MLIP: variants seen among roughly 807,000 people sequenced by gnomAD.
MLIP encodes the protein muscular LMNA interacting protein.
A neutral mutation model predicts 84.8 loss-of-function variants in MLIP; 79 were observed. The ratio of observed to expected loss-of-function variants is 0.93; its 90% CI spans 0.78 to 1.12. The LOEUF is 1.12. Ranked by LOEUF, MLIP falls within the 50% of genes most tolerant of loss-of-function variation. The pLI, the probability that MLIP is intolerant of heterozygous loss-of-function variation, is 0.00. For missense variants in MLIP, 1,257 were observed against 1,160.6 expected (o/e 1.08, Z -1.21); for synonymous variants, 504 against 463.0 (o/e 1.09, Z -1.14).
chr6:54,145,218 T>A (rs1444856258), intron 4 of MLIP, among the ~76,000 whole-genome samples: 1 of 152,184 alleles, frequency 6.6e-6, no homozygotes, highest in Non-Finnish European at 1.5e-5. Flanking sequence ...TTAGAATGAT[T>A]AGTAATTTTA....
chr6:54,204,283 A>G (rs1052061255), intron 11 of MLIP, among the ~76,000 whole-genome samples: 3 of 152,202 alleles, frequency 2.0e-5, no homozygotes, highest in African/African-American at 7.2e-5. Context: ...AATTCCATAC[A>G]TAACAGAAAT....
intron 1 of MLIP, among the ~76,000 whole-genome samples, chr6:54,072,335 T>C (rs1157885649): frequency 6.6e-6 from 1 of 152,200 alleles, no homozygotes; most frequent in African/African-American, 2.4e-5. Context: ...AGGAGATAGA[T>C]TTGAGGATCT....
intron 4 of MLIP, among the ~76,000 whole-genome samples, chr6:54,144,151 T>G (rs1017633424): frequency 6.6e-6 from 1 of 152,154 alleles, no homozygotes; most frequent in Non-Finnish European, 1.5e-5. Context: ...TATAAGGAAG[T>G]GTCTGGGCAA....
intron 1 of MLIP, among the ~76,000 whole-genome samples, chr6:54,019,771 T>C (rs1053593657): frequency 1.3e-5 from 2 of 151,982 alleles, no homozygotes; most frequent in African/African-American, 4.8e-5. Context: ...AATATCAGCA[T>C]AAATAACAAA....
chr6:54,020,990 A>G (rs1763467577), intron 1 of MLIP, among the ~76,000 whole-genome samples: 1 of 152,244 alleles, frequency 6.6e-6, no homozygotes, highest in African/African-American at 2.4e-5. Context: ...TGACACTGTT[A>G]TCAAGAAAAG....
intron 11 of MLIP, among the ~76,000 whole-genome samples, chr6:54,204,163 G>A (rs1446260633): frequency 1.3e-5 from 2 of 152,042 alleles, no homozygotes; most frequent in Non-Finnish European, 2.9e-5. Flanking sequence ...GCATTGATAT[G>A]ATCAAAAATG....
At chr6:54,227,220 C>T (rs1780637420) in intron 11 of MLIP, among the ~76,000 whole-genome samples, 1 of 152,148 alleles carries the variant, frequency 6.6e-6, no homozygotes, top group African/African-American at 2.4e-5. Context: ...GCTTCTTGTA[C>T]AGCCTGTGGA....
rs1289538776 is a variant in MLIP, at chr6:54,266,217, A to G, written c.*262A>G. The stretch of plus-strand genomic sequence containing the variant: ...ATGCCTTCTACTTAATATTAAGCTG[A>G]CCGCAATACTAACGTGCCCCTATAT... On this transcript the variant is annotated 3_prime_UTR_variant, in exon 14 of 14. Coordinates refer to ENST00000502396, the MANE Select transcript of MLIP (RefSeq NM_001281747.2). 1 of 412,994 alleles carries G rather than the reference A, an allele frequency of 2.4e-6. No individual in the cohort carries two copies. Among genetic ancestry groups the G allele is most frequent in the Non-Finnish European group, 4.3e-6 (1 of 231,524 alleles). The allele number at this position is 412,994 out of a possible 1,614,324, so 25.6% of individuals were successfully genotyped here. A position where few individuals can be genotyped will look rare whatever the true frequency, so the allele number is the denominator to read the frequency against.
intron 1 of MLIP, among the ~76,000 whole-genome samples, chr6:54,034,987 G>A (rs543976144): frequency 1.9e-4 from 29 of 152,128 alleles, no homozygotes; most frequent in African/African-American, 6.0e-4. Context: ...ATACCATTGT[G>A]TTACAGTTGC....
chr6:54,202,723 T>C (rs976022589), intron 11 of MLIP, among the ~76,000 whole-genome samples: 3 of 151,938 alleles, frequency 2.0e-5, no homozygotes, highest in African/African-American at 7.3e-5. Context: ...TAAAACCCCA[T>C]CTCTACAACA....
At chr6:54,202,780 C>T (rs1778785677) in intron 11 of MLIP, among the ~76,000 whole-genome samples, 1 of 151,716 alleles carries the variant, frequency 6.6e-6, no homozygotes, top group African/African-American at 2.4e-5. Flanking sequence ...TGCCTGTGGT[C>T]CCAGCTACTT....
intron 6 of MLIP, 22 bp downstream of exon 6, chr6:54,160,454 T>A (rs1214456323): frequency 6.2e-7 from 1 of 1,611,660 alleles, no homozygotes; most frequent in Non-Finnish European, 8.5e-7. Context: ...AGATTACCCC[T>A]GCTTTTGGTA....
intron 9 of MLIP, among the ~76,000 whole-genome samples, chr6:54,169,820 A>T (rs1582374303): frequency 1.3e-5 from 2 of 151,780 alleles, no homozygotes; most frequent in East Asian, 3.9e-4. Context: ...GAACTGCCAC[A>T]CCTGCTTCCT....
intron 1 of MLIP, among the ~76,000 whole-genome samples, chr6:54,114,419 A>T (rs565280229): frequency 6.1e-4 from 93 of 152,306 alleles, no homozygotes; most frequent in African/African-American, 2.1e-3. Flanking sequence ...AGTGAATAAT[A>T]TCTCATTTCT....
At chr6:54,079,723 G>C (rs898420052) in intron 1 of MLIP, 3 of 151,898 alleles carry the variant, frequency 2.0e-5, no homozygotes, top group Admixed American at 1.3e-4. Flanking sequence ...GGAGTCCATG[G>C]CTCCTAGAAT....
intron 1 of MLIP, among the ~76,000 whole-genome samples, chr6:54,079,227 G>A (rs1387165727): frequency 1.3e-5 from 2 of 152,150 alleles, no homozygotes; most frequent in African/African-American, 4.8e-5. Context: ...AAATGCAAGT[G>A]CCTCTAGTTA....
chr6:54,262,361 G>A (rs892878175), intron 13 of MLIP, among the ~76,000 whole-genome samples: 1 of 152,012 alleles, frequency 6.6e-6, no homozygotes, highest in Non-Finnish European at 1.5e-5. Flanking sequence ...GTATAGCCAA[G>A]GAGATAGACT....
At chr6:54,248,286 C>A (rs1365567362) in intron 12 of MLIP, among the ~76,000 whole-genome samples, 3 of 151,986 alleles carry the variant, frequency 2.0e-5, no homozygotes, top group Non-Finnish European at 2.9e-5. Flanking sequence ...TGATGTTTTG[C>A]CTGTAGTACT....
intron 5 of MLIP, among the ~76,000 whole-genome samples, chr6:54,150,741 G>A (rs928851586): frequency 6.6e-6 from 1 of 152,112 alleles, no homozygotes; most frequent in Non-Finnish European, 1.5e-5. Flanking sequence ...TGTCAGTACT[G>A]TTTCCAGAAT....
Sources: allele counts gnomAD v4.1 joint callset (sites outside exome capture counted in the v4.1 genomes callset), GRCh38; gene constraint gnomAD v4.1.1; transcripts MANE v1.5; gene names NCBI Gene and HGNC (gene_info 2026-07-23, HGNC 2026-07-21).